The following GPC5 variants were observed in gnomAD, a reference collection of about 807,000 sequenced individuals.
The protein encoded by GPC5 is glypican 5, also known as glypican-5.
GPC5 carries 47 observed loss-of-function variants against 53.9 expected under a neutral mutation model. That is an observed-to-expected ratio of 0.87 (90% CI 0.69 to 1.11). The LOEUF (loss-of-function observed/expected upper bound fraction) is 1.11. Ranked by LOEUF, GPC5 falls within the 50% of genes most tolerant of loss-of-function variation. The pLI is 0.00. For synonymous variants in GPC5, 286 were observed against 263.3 expected (o/e 1.09, Z -0.84); for missense variants, 748 against 713.1 (o/e 1.05, Z -0.56).
Position 92,802,816 on chromosome 13 carries a change from A to G in GPC5, c.1562-63466A>G, listed in dbSNP as rs558562802. Among the ~76,000 whole-genome samples the G allele has an allele frequency of 2.6e-4, 39 of 152,066 alleles. 1 individual carries two copies. The highest frequency in any genetic ancestry group is 2.2e-3 in the Admixed American group (34 of 15,236). On this transcript the variant is annotated intron_variant, in intron 7 of 7. Coordinates refer to ENST00000377067, the MANE Select transcript of GPC5 (RefSeq NM_004466.6). The stretch of plus-strand genomic sequence containing the variant: ...CTATATCTATTTAAAATACCTGTAA[A>G]CCACTTTCAAAATTAATAGCTTTTA...
At chr13:92,052,366 A>C (rs1202976843) in intron 6 of GPC5, among the ~76,000 whole-genome samples, 3 of 152,180 alleles carry the variant, frequency 2.0e-5, no homozygotes, top group Non-Finnish European at 4.4e-5. Context: ...ACAGACCCAA[A>C]GAGTGAGCAG....
At chr13:92,808,919 A>C (rs1877196447) in intron 7 of GPC5, among the ~76,000 whole-genome samples, 1 of 152,146 alleles carries the variant, frequency 6.6e-6, no homozygotes, top group Non-Finnish European at 1.5e-5. Context: ...TTTTACCTGC[A>C]GCCAGTGCAT....
intron 5 of GPC5, among the ~76,000 whole-genome samples, chr13:91,786,513 T>C (rs2037881683): frequency 6.6e-6 from 1 of 152,172 alleles, no homozygotes; most frequent in Admixed American, 6.5e-5. Context: ...TATTGAAAGG[T>C]TTTTATATAC....
At chr13:92,739,059 G>T (rs1388919566) in intron 7 of GPC5, among the ~76,000 whole-genome samples, 1 of 152,016 alleles carries the variant, frequency 6.6e-6, no homozygotes, top group African/African-American at 2.4e-5. Flanking sequence ...CGTGGCACTT[G>T]TTCTTAATAA....
chr13:91,675,165 A>T (rs202105237), intron 2 of GPC5, among the ~76,000 whole-genome samples: 1 of 151,730 alleles, frequency 6.6e-6, no homozygotes, highest in Non-Finnish European at 1.5e-5. Flanking sequence ...CTCAGGGGAA[A>T]AAAAAACCTA....
chr13:92,056,716 GTTGT>G (rs895888039), intron 6 of GPC5, among the ~76,000 whole-genome samples: 7 of 152,024 alleles, frequency 4.6e-5, no homozygotes, highest in East Asian at 1.9e-4. Flanking sequence ...TACATTTTGG[GTTGT>G]TTGTTTTTGT....
Position 92,232,878 on chromosome 13 carries a change from G to A in GPC5, c.1561+87889G>A, listed in dbSNP as rs147008577. Among the ~76,000 whole-genome samples, 372 of 152,130 alleles carry A rather than the reference G, an allele frequency of 2.4e-3. 3 individuals carry two copies. Among genetic ancestry groups the A allele is most frequent in the African/African-American group, 8.5e-3 (354 of 41,506 alleles). The stretch of plus-strand genomic sequence containing the variant: ...TCCAATCTTCCGCATTTTTTTTGAC[G>A]ATTCAAGCAAGAGTATTGAAGCAGT... On this transcript the variant is annotated intron_variant, in intron 7 of 7. Transcript: ENST00000377067.
chr13:92,701,381 A>G (rs1785768473), intron 7 of GPC5: 1 of 152,074 alleles, frequency 6.6e-6, no homozygotes, highest in Non-Finnish European at 1.5e-5. Context: ...TACACACCTA[A>G]ACTCACCCAC....
At chr13:91,875,518 A>T (rs1273616681) in intron 5 of GPC5, among the ~76,000 whole-genome samples, 2 of 152,202 alleles carry the variant, frequency 1.3e-5, no homozygotes, top group Non-Finnish European at 2.9e-5. Flanking sequence ...TTTTGTGGTA[A>T]TAAATGTGTT....
At position 91,693,420 on chromosome 13, in the gene GPC5, T is replaced by C; in HGVS notation, c.559T>C (p.Ser187Pro). Reference sequence around the variant, plus strand: ...CATTAACCCTGGTGTGACTGACAGTTCCCTGGAATACTCAGAATGCATCCG... The same window carrying C: ...CATTAACCCTGGTGTGACTGACAGTCCCCTGGAATACTCAGAATGCATCCG... The part of the protein sequence containing the change: ...HLINPGVTDS[S>P]LEYSECIRMA... The change falls in exon 3 of 8, where the codon TCC (serine) becomes CCC (proline). Residue 187 changes from serine to proline, a missense_variant. Ser to Pro is a moderately conservative substitution (Grantham distance 74). Transcript: ENST00000377067. 1 of 1,614,094 alleles carries C rather than the reference T, an allele frequency of 6.2e-7. No individual in the cohort carries two copies. The highest frequency in any genetic ancestry group is 1.3e-5 in the African/African-American group (1 of 75,030).
At chr13:91,582,154 C>T (rs924866602) in intron 2 of GPC5, among the ~76,000 whole-genome samples, 2 of 152,020 alleles carry the variant, frequency 1.3e-5, no homozygotes, top group South Asian at 4.2e-4. Flanking sequence ...TTAGTACTTG[C>T]CATGGCAGTG....
At chr13:92,254,744 G>A (rs2139133195) in intron 7 of GPC5, among the ~76,000 whole-genome samples, 1 of 152,260 alleles carries the variant, frequency 6.6e-6, no homozygotes, top group Middle Eastern at 3.4e-3. Flanking sequence ...GGACAGAGAA[G>A]TGCAGAGTGA....
In GPC5 at chr13:91,926,392, G is replaced by A. The variant is rs1035820198; in HGVS notation, c.1401+18335G>A. On this transcript the variant is annotated intron_variant, in intron 6 of 7. Transcript: ENST00000377067. Reference sequence around the variant, plus strand: ...AAAAAAAAAAAAAAATCTATGCAAAGCTTTGGAGTATATTAATAAGCATTT... The same window carrying A: ...AAAAAAAAAAAAAAATCTATGCAAAACTTTGGAGTATATTAATAAGCATTT... Among the ~76,000 whole-genome samples the A allele has an allele frequency of 8.7e-5, 13 of 150,056 alleles. No homozygotes were observed. In the East Asian group the frequency reaches 2.5e-3, roughly 29 times the overall value.
At chr13:92,841,225 T>C (rs1024454461) in intron 7 of GPC5, among the ~76,000 whole-genome samples, 15 of 152,152 alleles carry the variant, frequency 9.9e-5, no homozygotes, top group Admixed American at 6.6e-5. Flanking sequence ...TGCGTTAACA[T>C]TATTAACAGT....
At chr13:91,831,449 A>T (rs1594603153) in intron 5 of GPC5, among the ~76,000 whole-genome samples, 1 of 152,124 alleles carries the variant, frequency 6.6e-6, no homozygotes, top group East Asian at 1.9e-4. Flanking sequence ...CAGGATTAAT[A>T]CTTTGTATCC....
At chr13:92,122,670 G>T (rs1172863359) in intron 6 of GPC5, among the ~76,000 whole-genome samples, 32 of 144,076 alleles carry the variant, frequency 2.2e-4, no homozygotes. Flanking sequence ...GGATAAAATT[G>T]TGTAATAATG....
At chr13:91,945,530 T>C (rs879458399) in intron 6 of GPC5, among the ~76,000 whole-genome samples, 1 of 152,232 alleles carries the variant, frequency 6.6e-6, no homozygotes, top group Non-Finnish European at 1.5e-5. Flanking sequence ...TTTATTCTTA[T>C]AGTATTTTTA....
At chr13:92,446,603 T>G (rs1877837346) in intron 7 of GPC5, 1 of 152,146 alleles carries the variant, frequency 6.6e-6, no homozygotes. Context: ...AGAGTGCAGA[T>G]ATCTCTTCGA....
intron 5 of GPC5, among the ~76,000 whole-genome samples, chr13:91,879,436 C>A (rs1412808251): frequency 1.3e-5 from 2 of 152,138 alleles, no homozygotes; most frequent in Admixed American, 6.5e-5. Context: ...GGCTTATAAA[C>A]AACAGAAAGG....
Sources: gnomAD v4.1 joint callset for allele counts (sites outside exome capture counted in the v4.1 genomes callset) on GRCh38, gnomAD v4.1.1 for gene constraint, MANE v1.5 for transcripts, NCBI Gene and HGNC (gene_info 2026-07-23, HGNC 2026-07-21) for gene names.